The following NDST3 variants were observed in gnomAD, a reference collection of about 807,000 sequenced individuals.
NDST3 encodes the protein N-deacetylase and N-sulfotransferase 3, also known as bifunctional heparan sulfate N-deacetylase/N-sulfotransferase 3.
A neutral mutation model predicts 96.1 loss-of-function variants in NDST3; 58 were observed. That is an observed-to-expected ratio of 0.60 (90% CI 0.49 to 0.75). The LOEUF (loss-of-function observed/expected upper bound fraction) is 0.75, where lower values mean the gene tolerates loss of function less well. NDST3 is among the 30% of genes least tolerant of loss of function. NDST3 has a pLI of 0.00. For synonymous variants in NDST3, 333 were observed against 359.7 expected (o/e 0.93, Z 0.84); for missense variants, 788 against 1,034.2 (o/e 0.76, Z 3.27).
chr4:118,175,941 G>A lies in NDST3; in HGVS notation c.1539+32257G>A, dbSNP rs976273019. ...CTGTGCCAAATTTCAGGTGACTGGA[G>A]ACTGATTAGCTGGTCTGTGCTATCC... On this transcript the variant is annotated intron_variant, in intron 6 of 13. Coordinates refer to ENST00000296499, the MANE Select transcript of NDST3 (RefSeq NM_004784.3). Among the ~76,000 whole-genome samples, 59 of 152,050 alleles carry A rather than the reference G, an allele frequency of 3.9e-4. 1 individual carries two copies. The highest frequency in any genetic ancestry group is 1.4e-3 in the African/African-American group (59 of 41,392).
Position 118,161,143 on chromosome 4 carries a change from C to G in NDST3, c.1539+17459C>G, listed in dbSNP as rs113598960. Among the ~76,000 whole-genome samples, 96 of 152,318 alleles carry G rather than the reference C, an allele frequency of 6.3e-4. 1 individual carries two copies. Among genetic ancestry groups the G allele is most frequent in the African/African-American group, 2.1e-3 (87 of 41,566 alleles). On this transcript the variant is annotated intron_variant, in intron 6 of 13. Transcript: ENST00000296499. The stretch of plus-strand genomic sequence containing the variant: ...AGTTTGCTAGAGGTCCACTCCAGAC[C>G]CTGTTTGCCTGCGTATCCACAGCGG...
At chr4:118,114,199 T>C (rs1396690881) in intron 3 of NDST3, among the ~76,000 whole-genome samples, 1 of 152,204 alleles carries the variant, frequency 6.6e-6, no homozygotes, top group South Asian at 2.1e-4. Context: ...GTTTTGATAG[T>C]GGTGACCATG....
intron 6 of NDST3, among the ~76,000 whole-genome samples, chr4:118,217,692 T>C (rs180949834): frequency 2.0e-5 from 3 of 152,116 alleles, no homozygotes; most frequent in Admixed American, 2.0e-4. Flanking sequence ...CTTTGCCACA[T>C]AGCCCTTAAA....
chr4:118,143,482 A>G, intron 5 of NDST3, 74 bp from the exon 6 acceptor site: 7 of 1,499,278 alleles, frequency 4.7e-6, no homozygotes, highest in Non-Finnish European at 5.4e-6. Context: ...ATCTTGTGTG[A>G]GCAAAAAGCT....
At chr4:118,192,147 A>G (rs903873912) in intron 6 of NDST3, among the ~76,000 whole-genome samples, 1 of 152,128 alleles carries the variant, frequency 6.6e-6, no homozygotes, top group African/African-American at 2.4e-5. Flanking sequence ...ATTTTTTCCT[A>G]CAGTGCTGTT....
At chr4:118,202,768 G>A (rs1738177176) in intron 6 of NDST3, among the ~76,000 whole-genome samples, 1 of 152,142 alleles carries the variant, frequency 6.6e-6, no homozygotes. Flanking sequence ...CAAACAGGGA[G>A]AGTTTGACTT....
At chr4:118,193,654 GA>G in intron 6 of NDST3, 2 of 1,297,152 alleles carry the variant, frequency 1.5e-6, no homozygotes, top group African/African-American at 2.9e-5. Flanking sequence ...AGACCTTCTG[GA>G]AGTCAGCCTG....
At chr4:118,035,370 G>T (rs1019734483) in intron 1 of NDST3, among the ~76,000 whole-genome samples, 1 of 151,364 alleles carries the variant, frequency 6.6e-6, no homozygotes, top group Admixed American at 6.6e-5. Context: ...TAATACATTT[G>T]TATTAAATTA....
At chr4:118,245,590 T>C (rs928591162) in intron 12 of NDST3, among the ~76,000 whole-genome samples, 1 of 152,206 alleles carries the variant, frequency 6.6e-6, no homozygotes, top group Admixed American at 6.5e-5. Context: ...AGTACAAATG[T>C]ACTACACTAA....
rs1482038617 is a variant in NDST3, at chr4:118,078,866, CACTT to C, written c.981+23980_981+23983del. Among the ~76,000 whole-genome samples the C allele has an allele frequency of 2.6e-5, 4 of 152,176 alleles. No individual in the cohort carries two copies. In the East Asian group the frequency reaches 7.7e-4, roughly 29 times the overall value. On this transcript the variant is annotated intron_variant, in intron 2 of 13. Transcript: ENST00000296499. ...TTCCATATCTTTAAAATAAGAATCA[CACTT>C]ACTTCATAGCATGAAAGTGAGAATG...
In NDST3 at chr4:118,053,830, G is replaced by A; in HGVS notation, c.-81G>A. On this transcript the variant is annotated 5_prime_UTR_variant, in exon 2 of 14. Coordinates refer to ENST00000296499, the MANE Select transcript of NDST3 (RefSeq NM_004784.3). Reference sequence around the variant, plus strand: ...GTGACATAAACTCTTGACAGAGATTGGAAAAGTAGCTGGAACACCATCTTT... The same window carrying A: ...GTGACATAAACTCTTGACAGAGATTAGAAAAGTAGCTGGAACACCATCTTT... 6.9e-7 allele frequency: 1 copy of A among 1,454,150 alleles called. No individual in the cohort carries two copies. Among genetic ancestry groups the A allele is most frequent in the South Asian group, 1.4e-5 (1 of 71,458 alleles). 90.1% of individuals were successfully genotyped at this position (1,454,150 alleles called of 1,614,324 possible).
intron 1 of NDST3, among the ~76,000 whole-genome samples, chr4:118,045,143 A>AATCATAAGGATCAT (rs1200714451): frequency 6.6e-6 from 1 of 152,132 alleles, no homozygotes; most frequent in South Asian, 2.1e-4. Flanking sequence ...CCCACTCATT[A>AATCATAAGGATCAT]TTCATCATCC....
intron 6 of NDST3, among the ~76,000 whole-genome samples, chr4:118,217,188 T>C (rs562474732): frequency 1.3e-5 from 2 of 152,070 alleles, no homozygotes; most frequent in African/African-American, 4.8e-5. Context: ...AGAAACCGTA[T>C]AAACGAAGCC....
At chr4:118,179,100 C>T (rs1736441323) in intron 6 of NDST3, among the ~76,000 whole-genome samples, 1 of 151,886 alleles carries the variant, frequency 6.6e-6, no homozygotes, top group Non-Finnish European at 1.5e-5. Context: ...CTGACTTTTG[C>T]CCTAGAAAGT....
chr4:118,214,247 G>T (rs10018844), intron 6 of NDST3, among the ~76,000 whole-genome samples: 2 of 151,848 alleles, frequency 1.3e-5, no homozygotes, highest in Non-Finnish European at 1.5e-5. Context: ...AAGAAGGTAG[G>T]GGCATTATCA....
chr4:118,216,177 G>A lies in NDST3; in HGVS notation c.1540-8314G>A, dbSNP rs79855921. On this transcript the variant is annotated intron_variant, in intron 6 of 13. Coordinates refer to ENST00000296499, the MANE Select transcript of NDST3 (RefSeq NM_004784.3). ...AAGCAGAAAGATGATTTGGGAATCT[G>A]AGGGTAATCGTAGCAGAGAAGTTCA... is the stretch of plus-strand genomic sequence containing the variant. 5.4e-3 allele frequency among the ~76,000 whole-genome samples: 817 copies of A among 152,218 alleles called. 14 individuals are homozygous for A. Among genetic ancestry groups the A allele is most frequent in the African/African-American group, 0.019 (775 of 41,558 alleles).
At chr4:118,182,590 C>T (rs1005502654) in intron 6 of NDST3, among the ~76,000 whole-genome samples, 1 of 152,104 alleles carries the variant, frequency 6.6e-6, no homozygotes, top group African/African-American at 2.4e-5. Flanking sequence ...AGACAAACTC[C>T]CCTGAGAATT....
At chr4:118,186,945 A>G (rs1560705160) in intron 6 of NDST3, among the ~76,000 whole-genome samples, 1 of 152,210 alleles carries the variant, frequency 6.6e-6, no homozygotes, top group Non-Finnish European at 1.5e-5. Flanking sequence ...GCAAACATTC[A>G]AAACTTTTTA....
At chr4:118,138,277 C>A in intron 5 of NDST3, 38 bp downstream of exon 5, 1 of 1,517,632 alleles carries the variant, frequency 6.6e-7, no homozygotes, top group Non-Finnish European at 8.9e-7. Flanking sequence ...ACAACTAATT[C>A]TGCAAGATTT....
Sources: allele counts gnomAD v4.1 joint callset (sites outside exome capture counted in the v4.1 genomes callset), GRCh38; gene constraint gnomAD v4.1.1; transcripts MANE v1.5; gene names NCBI Gene and HGNC (gene_info 2026-07-23, HGNC 2026-07-21).